Variants in EPHA6 observed in about 807,000 individuals in gnomAD.
EPHA6 encodes ephrin type-A receptor 6.
EPHA6 carries 50 observed loss-of-function variants against 112.0 expected under a neutral mutation model. That is an observed-to-expected ratio of 0.45 (90% CI 0.36 to 0.56). The LOEUF is 0.56. EPHA6 is among the 20% of genes least tolerant of loss of function. The pLI, the probability that EPHA6 is intolerant of heterozygous loss-of-function variation, is 0.00. For synonymous variants in EPHA6, 529 were observed against 490.7 expected (o/e 1.08, Z -1.03); for missense variants, 1,280 against 1,417.4 (o/e 0.90, Z 1.56).
At chr3:96,832,181 C>G (rs891254437) in intron 1 of EPHA6, among the ~76,000 whole-genome samples, 1 of 151,992 alleles carries the variant, frequency 6.6e-6, no homozygotes, top group South Asian at 2.1e-4. Flanking sequence ...ATGTAATTAT[C>G]GAAATAACTT....
At chr3:96,965,881 A>G (rs1382894277) in intron 2 of EPHA6, among the ~76,000 whole-genome samples, 1 of 152,118 alleles carries the variant, frequency 6.6e-6, no homozygotes, top group Non-Finnish European at 1.5e-5. Flanking sequence ...CCAGTTTGCT[A>G]CTGAACAGCC....
chr3:97,668,897 G>C (rs189532961), intron 14 of EPHA6, among the ~76,000 whole-genome samples: 1,046 of 101,164 alleles, frequency 0.01, 15 homozygotes, highest in African/African-American at 0.038. Context: ...GTGTGACAGA[G>C]TGAGACTCTG....
intron 6 of EPHA6, among the ~76,000 whole-genome samples, chr3:97,411,681 T>C (rs1314546038): frequency 6.6e-6 from 1 of 151,984 alleles, no homozygotes; most frequent in Non-Finnish European, 1.5e-5. Context: ...ATGACTGAGG[T>C]CCTTATAAAA....
intron 3 of EPHA6, among the ~76,000 whole-genome samples, chr3:97,109,200 C>A (rs1380789367): frequency 1.3e-5 from 2 of 152,270 alleles, no homozygotes; most frequent in African/African-American, 2.4e-5. Flanking sequence ...TCAAACTATG[C>A]AATAATCACT....
intron 3 of EPHA6, among the ~76,000 whole-genome samples, chr3:97,096,337 A>G (rs2047238688): frequency 6.6e-6 from 1 of 151,708 alleles, no homozygotes; most frequent in African/African-American, 2.4e-5. Flanking sequence ...TTGAGTGCCG[A>G]GCTTTTCATA....
intron 5 of EPHA6, among the ~76,000 whole-genome samples, chr3:97,285,338 G>C (rs1181123971): frequency 2.1e-4 from 32 of 152,004 alleles, no homozygotes; most frequent in Non-Finnish European, 4.7e-4. Context: ...CTATTTGACT[G>C]TATGTTTGTA....
chr3:96,844,813 A>G (rs2034975285), intron 1 of EPHA6, among the ~76,000 whole-genome samples: 1 of 152,022 alleles, frequency 6.6e-6, no homozygotes, highest in South Asian at 2.1e-4. Flanking sequence ...ACAGATGTCA[A>G]GAAGGGAAAT....
At chr3:97,418,684 T>A (rs1469416400) in intron 6 of EPHA6, among the ~76,000 whole-genome samples, 1 of 151,982 alleles carries the variant, frequency 6.6e-6, no homozygotes, top group East Asian at 1.9e-4. Context: ...GAAATGGGCA[T>A]AAATAAGAAG....
intron 2 of EPHA6, among the ~76,000 whole-genome samples, chr3:96,976,185 A>G (rs1345782936): frequency 6.6e-6 from 1 of 152,172 alleles, no homozygotes; most frequent in East Asian, 1.9e-4. Flanking sequence ...GGACAGAACT[A>G]AAGTTGTCTA....
intron 11 of EPHA6, among the ~76,000 whole-genome samples, chr3:97,556,087 A>G (rs1469271885): frequency 6.6e-6 from 1 of 151,942 alleles, no homozygotes; most frequent in African/African-American, 2.4e-5. Context: ...TACATTCTGA[A>G]GCCCACTGAA....
intron 3 of EPHA6, among the ~76,000 whole-genome samples, chr3:97,144,678 A>G (rs890379370): frequency 6.6e-5 from 10 of 151,598 alleles, no homozygotes; most frequent in African/African-American, 2.4e-4. Flanking sequence ...TCTTAAAATT[A>G]ATAATCTTCA....
chr3:97,469,154 T>C (rs1320127279), intron 7 of EPHA6, among the ~76,000 whole-genome samples: 1 of 151,726 alleles, frequency 6.6e-6, no homozygotes, highest in East Asian at 1.9e-4. Context: ...TAGTGAATTA[T>C]TTGATGCTCC....
At chr3:97,707,530 A>G (rs960650209) in intron 14 of EPHA6, among the ~76,000 whole-genome samples, 12 of 152,238 alleles carry the variant, frequency 7.9e-5, no homozygotes, top group Admixed American at 7.9e-4. Flanking sequence ...AGTTGAAAAT[A>G]CAGCATATTG....
intron 3 of EPHA6, among the ~76,000 whole-genome samples, chr3:97,139,638 G>T (rs2075848925): frequency 1.3e-5 from 2 of 152,164 alleles, no homozygotes; most frequent in Middle Eastern, 3.4e-3. Context: ...AAAGCCAAAG[G>T]ACCCTACCCA....
At chr3:97,187,360 A>G (rs1451577659) in intron 3 of EPHA6, among the ~76,000 whole-genome samples, 2 of 152,050 alleles carry the variant, frequency 1.3e-5, no homozygotes, top group Non-Finnish European at 2.9e-5. Context: ...ACTTGACATC[A>G]GGAGTTCAAG....
At chr3:97,286,586 T>C (rs957874234) in intron 5 of EPHA6, among the ~76,000 whole-genome samples, 3 of 152,192 alleles carry the variant, frequency 2.0e-5, no homozygotes, top group Non-Finnish European at 4.4e-5. Flanking sequence ...TTCCATTCCA[T>C]TGGTCTATGT....
At chr3:97,187,689 G>GAAAT (rs1334365218) in intron 3 of EPHA6, among the ~76,000 whole-genome samples, 2 of 20,078 alleles carry the variant, frequency 1.0e-4, no homozygotes, top group Admixed American at 1.1e-3. Context: ...AAGAAAGAAG[G>GAAAT]AAAGAAAGAA....
chr3:97,195,257 T>G (rs747787037), intron 3 of EPHA6, among the ~76,000 whole-genome samples: 12 of 61,118 alleles, frequency 2.0e-4, no homozygotes, highest in African/African-American at 4.4e-4. Context: ...TTTGTGTAAC[T>G]GTTTTTGATT....
At chr3:97,278,954 A>G (rs1448021229) in intron 5 of EPHA6, among the ~76,000 whole-genome samples, 1 of 152,286 alleles carries the variant, frequency 6.6e-6, no homozygotes, top group East Asian at 1.9e-4. Context: ...TTCCCACACA[A>G]GGTAATAAGC....
Sources: allele counts gnomAD v4.1 joint callset (sites outside exome capture counted in the v4.1 genomes callset), GRCh38; gene constraint gnomAD v4.1.1; transcripts MANE v1.5; gene names NCBI Gene and HGNC (gene_info 2026-07-23, HGNC 2026-07-21).